Variants in DCC observed in about 807,000 individuals in gnomAD.
DCC encodes DCC netrin 1 receptor.
DCC carries 58 observed loss-of-function variants against 172.5 expected under a neutral mutation model. The ratio of observed to expected loss-of-function variants is 0.34; its 90% CI spans 0.27 to 0.42. The LOEUF (loss-of-function observed/expected upper bound fraction) is 0.42. Ranked by LOEUF, DCC falls within the 10% of genes least tolerant of loss-of-function variation. DCC has a pLI of 1.00. For synonymous variants in DCC, 709 were observed against 644.5 expected (o/e 1.10, Z -1.52); for missense variants, 1,740 against 1,791.0 (o/e 0.97, Z 0.51).
At chr18:53,420,583 G>T (rs555991016) in intron 21 of DCC, among the ~76,000 whole-genome samples, 2 of 152,110 alleles carry the variant, frequency 1.3e-5, no homozygotes, top group Non-Finnish European at 2.9e-5. Context: ...CCTCTTCCTG[G>T]CTTGCAGGTG....
At chr18:52,901,932 G>A (rs1568176904) in intron 2 of DCC, among the ~76,000 whole-genome samples, 1 of 152,136 alleles carries the variant, frequency 6.6e-6, no homozygotes, top group African/African-American at 2.4e-5. Flanking sequence ...TCTGCAAATT[G>A]TGAGTACTAT....
chr18:52,352,586 A>T (rs940965531), intron 1 of DCC, among the ~76,000 whole-genome samples: 3 of 152,172 alleles, frequency 2.0e-5, no homozygotes, highest in Non-Finnish European at 4.4e-5. Context: ...CAGACCCGTC[A>T]TCTACTCAGC....
intron 21 of DCC, among the ~76,000 whole-genome samples, chr18:53,424,416 G>A (rs1269832900): frequency 1.3e-5 from 2 of 152,174 alleles, no homozygotes; most frequent in Non-Finnish European, 2.9e-5. Context: ...GTATGGTTCC[G>A]TGGGTCCATT....
chr18:52,706,111 G>C (rs2036205848), intron 1 of DCC, among the ~76,000 whole-genome samples: 1 of 152,106 alleles, frequency 6.6e-6, no homozygotes, highest in African/African-American at 2.4e-5. Flanking sequence ...GAGACTCTGT[G>C]TTATTCAGAA....
At chr18:52,346,128 C>T (rs902408265) in intron 1 of DCC, among the ~76,000 whole-genome samples, 13 of 152,118 alleles carry the variant, frequency 8.5e-5, no homozygotes, top group Non-Finnish European at 1.8e-4. Flanking sequence ...TCAAGGAAAG[C>T]CAGTGTTAAA....
At chr18:52,345,413 T>G (rs1983836231) in intron 1 of DCC, among the ~76,000 whole-genome samples, 1 of 152,168 alleles carries the variant, frequency 6.6e-6, no homozygotes. Flanking sequence ...CTTATAATGC[T>G]CTGGAGGAAA....
intron 12 of DCC, among the ~76,000 whole-genome samples, chr18:53,268,359 G>A (rs2056706565): frequency 6.6e-6 from 1 of 151,736 alleles, no homozygotes; most frequent in South Asian, 2.1e-4. Context: ...CATAGATTTG[G>A]GGAGGAAGGA....
intron 16 of DCC, among the ~76,000 whole-genome samples, chr18:53,388,677 A>G (rs1167664902): frequency 6.6e-6 from 1 of 152,242 alleles, no homozygotes; most frequent in Non-Finnish European, 1.5e-5. Context: ...AGGAAAGAAG[A>G]TGAAAAGAAG....
chr18:53,065,102 C>T (rs1451901709), intron 6 of DCC, among the ~76,000 whole-genome samples: 1 of 151,904 alleles, frequency 6.6e-6, no homozygotes, highest in African/African-American at 2.4e-5. Flanking sequence ...TTTTCTGTCA[C>T]ACACTTAACA....
chr18:52,737,516 G>T (rs928259173), intron 1 of DCC, among the ~76,000 whole-genome samples: 1 of 152,148 alleles, frequency 6.6e-6, no homozygotes, highest in Non-Finnish European at 1.5e-5. Context: ...AGCTTTTTAG[G>T]ACAGGATGAT....
intron 5 of DCC, among the ~76,000 whole-genome samples, chr18:52,955,234 C>T (rs2040723166): frequency 6.6e-6 from 1 of 152,064 alleles, no homozygotes; most frequent in Non-Finnish European, 1.5e-5. Context: ...GCATGCTGTG[C>T]CCTGGCAACC....
intron 5 of DCC, among the ~76,000 whole-genome samples, chr18:53,032,875 A>C (rs1433630808): frequency 6.6e-6 from 1 of 151,896 alleles, no homozygotes; most frequent in Non-Finnish European, 1.5e-5. Flanking sequence ...GGAAATGGTG[A>C]CTCTCCCAGA....
intron 26 of DCC, among the ~76,000 whole-genome samples, chr18:53,490,215 G>T (rs1389602693): frequency 2.7e-5 from 4 of 146,230 alleles, no homozygotes; most frequent in Admixed American, 6.6e-5. Flanking sequence ...TAATCTCTAG[G>T]GTATTTTAAA....
intron 1 of DCC, among the ~76,000 whole-genome samples, chr18:52,440,292 G>A (rs1987934104): frequency 6.6e-6 from 1 of 152,174 alleles, no homozygotes; most frequent in South Asian, 2.1e-4. Context: ...CAGAATTCAT[G>A]CTCACGTGCT....
intron 5 of DCC, among the ~76,000 whole-genome samples, chr18:53,001,007 C>A (rs771933522): frequency 3.9e-5 from 6 of 151,932 alleles, no homozygotes; most frequent in Non-Finnish European, 7.4e-5. Flanking sequence ...CTCTTCCCAA[C>A]TTTATGTTCA....
rs908132079 is a variant in DCC at position 52,982,299 on chromosome 18, C to T, written c.985+56929C>T. On this transcript the variant is annotated intron_variant, in intron 5 of 28. Transcript: ENST00000442544. ...GTATAGACAGAGTTGTTTTTCATTT[C>T]GAGCCATTTCCCCAGTGACAAGTAA... Among the ~76,000 whole-genome samples the T allele has an allele frequency of 1.9e-4, 29 of 151,928 alleles. No individual in the cohort carries two copies. The East Asian group carries it at 2.9e-3, about 15-fold the overall frequency.
chr18:53,386,975 C>G (rs1427900915), intron 16 of DCC, among the ~76,000 whole-genome samples: 1 of 152,304 alleles, frequency 6.6e-6, no homozygotes, highest in Admixed American at 6.5e-5. Context: ...AAGTAAAACC[C>G]AAGTTCCCTC....
intron 1 of DCC, among the ~76,000 whole-genome samples, chr18:52,431,677 T>C (rs1301079275): frequency 6.6e-6 from 1 of 152,140 alleles, no homozygotes; most frequent in Non-Finnish European, 1.5e-5. Context: ...ACAAGTACAG[T>C]GAAGGGTCGT....
At position 53,322,036 on chromosome 18, in the gene DCC, T is replaced by C; in HGVS notation, c.2054-11T>C. The C allele has an allele frequency of 2.6e-6, 4 of 1,524,960 alleles. No homozygotes were observed. The highest frequency in any genetic ancestry group is 3.6e-6 in the Non-Finnish European group (4 of 1,098,540). 94.5% of individuals were successfully genotyped at this position (1,524,960 alleles called of 1,614,324 possible). On this transcript the variant is annotated splice_polypyrimidine_tract_variant and intron_variant, in intron 13 of 28. Transcript: ENST00000442544. ...TAACTTTCTTCCCCCCTGTGGAAAA[T>C]TCTTTCATAGGACTGGAGAAAGGAA...
Sources: gnomAD v4.1 joint callset for allele counts (sites outside exome capture counted in the v4.1 genomes callset) on GRCh38, gnomAD v4.1.1 for gene constraint, MANE v1.5 for transcripts, NCBI Gene and HGNC (gene_info 2026-07-23, HGNC 2026-07-21) for gene names.